LANCL3: variants seen among roughly 807,000 people sequenced by gnomAD.
LANCL3 encodes lanC-like protein 3.
Under a neutral mutation model 26.5 loss-of-function variants are expected in LANCL3, and 19 were observed. That is an observed-to-expected ratio of 0.72 (90% CI 0.50 to 1.05). LANCL3 has a LOEUF of 1.05. LANCL3 is among the 50% of genes least tolerant of loss of function. The pLI, the probability that LANCL3 is intolerant of heterozygous loss-of-function variation, is 0.00. For synonymous variants in LANCL3, 160 were observed against 166.6 expected, an observed-to-expected ratio of 0.96 and a Z score of 0.30; for missense variants, 318 against 362.7, an observed-to-expected ratio of 0.88 and a Z score of 1.00.
At chrX:37,598,827 AAG>A (rs1194247000) in intron 1 of LANCL3, among the ~76,000 whole-genome samples, 1 of 112,123 alleles carries the variant, frequency 8.9e-6, no homozygotes, top group Non-Finnish European at 1.9e-5. Flanking sequence ...AATTTCTTAA[AAG>A]AGTGTTCCAC....
chrX:37,597,030 GT>G (rs1267111522), intron 1 of LANCL3, among the ~76,000 whole-genome samples: 1 of 111,408 alleles, frequency 9.0e-6, no homozygotes, highest in African/African-American at 3.3e-5. Flanking sequence ...CCCTAATTTA[GT>G]TTTTTTCTCT....
At chrX:37,631,583 G>A (rs1339585395) in intron 1 of LANCL3, among the ~76,000 whole-genome samples, 1 of 110,564 alleles carries the variant, frequency 9.0e-6, no homozygotes, top group Non-Finnish European at 1.9e-5. Flanking sequence ...TCTCTTGTGG[G>A]CATTTAGTCC....
chrX:37,633,346 G>A (rs376314685), intron 1 of LANCL3, among the ~76,000 whole-genome samples: 1 of 111,072 alleles, frequency 9.0e-6, no homozygotes, highest in Non-Finnish European at 1.9e-5. Flanking sequence ...TTTTTTCAAA[G>A]TTTTTAACTT....
intron 1 of LANCL3, among the ~76,000 whole-genome samples, chrX:37,632,874 G>A (rs782759035): frequency 9.0e-6 from 1 of 111,362 alleles, no homozygotes; most frequent in East Asian, 2.8e-4. Context: ...TTTCTCTCTG[G>A]CTGCCCTTAA....
intron 3 of LANCL3, among the ~76,000 whole-genome samples, chrX:37,662,720 G>C (rs950887923): frequency 1.8e-5 from 2 of 111,285 alleles, no homozygotes; most frequent in Non-Finnish European, 3.8e-5. Context: ...CATCATTACT[G>C]ACTCAGGCTT....
intron 3 of LANCL3, among the ~76,000 whole-genome samples, chrX:37,665,835 T>A (rs1255376686): frequency 8.9e-5 from 10 of 112,680 alleles, no homozygotes; most frequent in African/African-American, 3.2e-4. Context: ...GGCATGCCCA[T>A]GATTCCAGCC....
chrX:37,574,206 C>G, intron 1 of LANCL3, among the ~76,000 whole-genome samples: 1 of 110,934 alleles, frequency 9.0e-6, no homozygotes, highest in Middle Eastern at 4.6e-3. Flanking sequence ...GCTAAGCATG[C>G]CAGGCTGGAA....
intron 1 of LANCL3, among the ~76,000 whole-genome samples, chrX:37,636,649 A>G (rs1925714281): frequency 8.9e-6 from 1 of 111,978 alleles, no homozygotes; most frequent in Admixed American, 9.5e-5. Flanking sequence ...TTGAAAAACA[A>G]TGCTAATCTA....
intron 1 of LANCL3, among the ~76,000 whole-genome samples, chrX:37,580,984 T>G (rs1602092146): frequency 8.9e-6 from 1 of 112,117 alleles, no homozygotes; most frequent in South Asian, 3.8e-4. Context: ...GATCCTCATA[T>G]TTTAATGTGC....
At chrX:37,573,755 T>A (rs1923666200) in intron 1 of LANCL3, among the ~76,000 whole-genome samples, 2 of 110,835 alleles carry the variant, frequency 1.8e-5, no homozygotes, top group African/African-American at 6.6e-5. Context: ...ATTTTCAAAT[T>A]TTTTTTTCCA....
chrX:37,641,540 AT>A (rs1925863173), intron 1 of LANCL3, among the ~76,000 whole-genome samples: 1 of 110,996 alleles, frequency 9.0e-6, no homozygotes, highest in Non-Finnish European at 1.9e-5. Context: ...CAAGGAATAC[AT>A]TTATTAAAAT....
At chrX:37,575,812 G>A (rs5917343) in intron 1 of LANCL3, among the ~76,000 whole-genome samples, 1 of 111,861 alleles carries the variant, frequency 8.9e-6, no homozygotes, top group Non-Finnish European at 1.9e-5. Context: ...GGCATACTAT[G>A]AGACGCCATT....
chrX:37,669,404 G>A (rs1312849647), intron 4 of LANCL3, among the ~76,000 whole-genome samples: 3 of 111,243 alleles, frequency 2.7e-5, no homozygotes, highest in African/African-American at 9.8e-5. Context: ...AATCCCCAGT[G>A]TTGGAGGTGG....
At chrX:37,650,360 C>T (rs1025727564) in intron 1 of LANCL3, among the ~76,000 whole-genome samples, 5 of 99,697 alleles carry the variant, frequency 5.0e-5, no homozygotes, top group Non-Finnish European at 8.0e-5. Context: ...AGAGTCTTAG[C>T]ATGTACCTTA....
intron 1 of LANCL3, among the ~76,000 whole-genome samples, chrX:37,610,114 G>T: frequency 8.9e-6 from 1 of 112,048 alleles, no homozygotes; most frequent in South Asian, 3.8e-4. Flanking sequence ...GGCTCAACTT[G>T]GGGCTAGAGG....
At chrX:37,622,641 A>G (rs1925199332) in intron 1 of LANCL3, among the ~76,000 whole-genome samples, 1 of 111,696 alleles carries the variant, frequency 9.0e-6, no homozygotes, top group Admixed American at 9.5e-5. Context: ...GAGCTTCTCT[A>G]TTCAACCTGA....
At chrX:37,578,459 C>G (rs1419878819) in intron 1 of LANCL3, among the ~76,000 whole-genome samples, 1 of 111,879 alleles carries the variant, frequency 8.9e-6, no homozygotes, top group Non-Finnish European at 1.9e-5. Context: ...GTTTCTTTTC[C>G]CTTTTCCAGG....
chrX:37,649,312 A>G (rs782663123), intron 1 of LANCL3, among the ~76,000 whole-genome samples: 23 of 111,767 alleles, frequency 2.1e-4, no homozygotes, highest in Non-Finnish European at 3.4e-4. Context: ...CAGGGACATG[A>G]ATGAAGCTGG....
At chrX:37,592,815 G>C (rs1325538506) in intron 1 of LANCL3, among the ~76,000 whole-genome samples, 1 of 111,324 alleles carries the variant, frequency 9.0e-6, no homozygotes, top group East Asian at 2.8e-4. Context: ...AAAAAAGCAA[G>C]AATATTTTTT....
Sources: gnomAD v4.1 joint callset for allele counts (sites outside exome capture counted in the v4.1 genomes callset) on GRCh38, gnomAD v4.1.1 for gene constraint, MANE v1.5 for transcripts, NCBI Gene and HGNC (gene_info 2026-07-23, HGNC 2026-07-21) for gene names.